GRIK1: variants seen among roughly 807,000 people sequenced by gnomAD.
The protein encoded by GRIK1 is glutamate receptor ionotropic, kainate 1.
Under a neutral mutation model 105.7 loss-of-function variants are expected in GRIK1, and 69 were observed. The ratio of observed to expected loss-of-function variants is 0.65; its 90% CI spans 0.54 to 0.80. The LOEUF is 0.80. Ranked by LOEUF, GRIK1 falls within the 30% of genes least tolerant of loss-of-function variation. GRIK1 has a pLI of 0.00. For synonymous variants in GRIK1, 438 were observed against 431.3 expected (o/e 1.02, Z -0.19); for missense variants, 1,109 against 1,167.3 (o/e 0.95, Z 0.73).
chr21:29,694,953 GT>G, intron 1 of GRIK1, among the ~76,000 whole-genome samples: 1 of 151,980 alleles, frequency 6.6e-6, no homozygotes, highest in East Asian at 1.9e-4. Flanking sequence ...CAAAGAACTG[GT>G]TTTTTTTCTT....
At chr21:29,752,794 G>A (rs184068454) in intron 1 of GRIK1, among the ~76,000 whole-genome samples, 60 of 152,346 alleles carry the variant, frequency 3.9e-4, no homozygotes, top group Admixed American at 3.9e-3. Context: ...CTAGGATCGT[G>A]CCACTGCACT....
At chr21:29,819,740 T>A (rs980627650) in intron 1 of GRIK1, among the ~76,000 whole-genome samples, 2 of 151,984 alleles carry the variant, frequency 1.3e-5, no homozygotes, top group African/African-American at 4.8e-5. Context: ...CAGTCAAGAC[T>A]ATTTGAAATA....
chr21:29,679,897 A>G (rs1315028837), intron 3 of GRIK1, among the ~76,000 whole-genome samples: 1 of 152,166 alleles, frequency 6.6e-6, no homozygotes. Context: ...AACATATGGC[A>G]TTTGTCTTGT....
At chr21:29,895,731 T>A (rs1005266519) in intron 1 of GRIK1, among the ~76,000 whole-genome samples, 2 of 152,202 alleles carry the variant, frequency 1.3e-5, no homozygotes, top group Non-Finnish European at 2.9e-5. Context: ...GTATCATCAT[T>A]AGTATGGATT....
chr21:29,726,698 A>T (rs570212239), intron 1 of GRIK1, among the ~76,000 whole-genome samples: 96 of 151,870 alleles, frequency 6.3e-4, no homozygotes, highest in African/African-American at 2.1e-3. Flanking sequence ...ATAAAACCCT[A>T]TTATATAAAT....
chr21:29,580,834 TC>T (rs1305526073), intron 13 of GRIK1, among the ~76,000 whole-genome samples: 1 of 151,936 alleles, frequency 6.6e-6, no homozygotes, highest in African/African-American at 2.4e-5. Context: ...AAAAGCAGAA[TC>T]CCCGAATTCA....
intron 7 of GRIK1, among the ~76,000 whole-genome samples, chr21:29,626,923 C>G (rs1288890180): frequency 6.6e-6 from 1 of 152,112 alleles, no homozygotes; most frequent in African/African-American, 2.4e-5. Context: ...AAATGGTGAT[C>G]AAATCACATT....
At chr21:29,867,381 C>G (rs1263136476) in intron 1 of GRIK1, among the ~76,000 whole-genome samples, 1 of 151,966 alleles carries the variant, frequency 6.6e-6, no homozygotes, top group Non-Finnish European at 1.5e-5. Context: ...GAGGACCAGG[C>G]AGAAAAGGGA....
chr21:29,850,017 C>T (rs1296715492), intron 1 of GRIK1, among the ~76,000 whole-genome samples: 5 of 152,158 alleles, frequency 3.3e-5, no homozygotes, highest in Admixed American at 6.5e-5. Context: ...ATGAAACTCA[C>T]GTTTTTTAGA....
chr21:29,759,352 T>C (rs968348374), intron 1 of GRIK1, among the ~76,000 whole-genome samples: 4 of 152,112 alleles, frequency 2.6e-5, no homozygotes, highest in African/African-American at 9.7e-5. Context: ...TCTCCTGATC[T>C]CGTGATCCGC....
intron 4 of GRIK1, among the ~76,000 whole-genome samples, chr21:29,671,562 A>C (rs1459506714): frequency 6.6e-6 from 1 of 152,178 alleles, no homozygotes; most frequent in Admixed American, 6.5e-5. Context: ...CCAGAGAGTC[A>C]GGCCAGATGA....
chr21:29,902,169 G>T (rs1454323605), intron 1 of GRIK1, among the ~76,000 whole-genome samples: 1 of 152,194 alleles, frequency 6.6e-6, no homozygotes, highest in East Asian at 1.9e-4. Flanking sequence ...AGCTATTTAT[G>T]ACAAACTCAC....
intron 1 of GRIK1, among the ~76,000 whole-genome samples, chr21:29,828,785 C>T (rs1158280093): frequency 6.6e-6 from 1 of 152,154 alleles, no homozygotes; most frequent in Non-Finnish European, 1.5e-5. Flanking sequence ...AGGAATGAGG[C>T]ATCACATCCA....
chr21:29,740,227 T>G (rs961579746), intron 1 of GRIK1, among the ~76,000 whole-genome samples: 1 of 151,880 alleles, frequency 6.6e-6, no homozygotes, highest in East Asian at 1.9e-4. Context: ...CTTTTCTTTT[T>G]TTTTTTTTTG....
At chr21:29,934,082 T>C (rs1216728023) in intron 1 of GRIK1, among the ~76,000 whole-genome samples, 2 of 152,190 alleles carry the variant, frequency 1.3e-5, no homozygotes, top group African/African-American at 4.8e-5. Context: ...TCTCCATCAA[T>C]CCTTCCTCTA....
intron 1 of GRIK1, among the ~76,000 whole-genome samples, chr21:29,801,309 A>G (rs1402845877): frequency 6.6e-6 from 1 of 152,098 alleles, no homozygotes; most frequent in Non-Finnish European, 1.5e-5. Flanking sequence ...TTTTGCACCA[A>G]CTTAATAAAT....
intron 14 of GRIK1, among the ~76,000 whole-genome samples, chr21:29,569,707 T>G (rs1178512184): frequency 6.6e-6 from 1 of 152,140 alleles, no homozygotes; most frequent in African/African-American, 2.4e-5. Flanking sequence ...TCTTTCTTCA[T>G]CTGGGGAAAA....
intron 1 of GRIK1, among the ~76,000 whole-genome samples, chr21:29,865,551 C>G (rs1159867184): frequency 6.6e-6 from 1 of 152,100 alleles, no homozygotes; most frequent in Admixed American, 6.5e-5. Context: ...ACAATGAAGA[C>G]AAGCAGATTT....
chr21:29,785,793 A>G (rs1460815158), intron 1 of GRIK1, among the ~76,000 whole-genome samples: 2 of 152,190 alleles, frequency 1.3e-5, no homozygotes, highest in African/African-American at 4.8e-5. Flanking sequence ...CAGAAGTCCA[A>G]AATTAAAGCA....
Sources: gnomAD v4.1 joint callset for allele counts (sites outside exome capture counted in the v4.1 genomes callset) on GRCh38, gnomAD v4.1.1 for gene constraint, MANE v1.5 for transcripts, NCBI Gene and HGNC (gene_info 2026-07-23, HGNC 2026-07-21) for gene names.